The following MICU1 variants were observed in gnomAD, a reference collection of about 807,000 sequenced individuals.
MICU1 encodes calcium uptake protein 1, mitochondrial.
Under a neutral mutation model 56.8 loss-of-function variants are expected in MICU1, and 45 were observed. The observed-to-expected ratio is 0.79, with a 90% CI of 0.62 to 1.02. The LOEUF is 1.02. Ranked by LOEUF, MICU1 falls within the 50% of genes least tolerant of loss-of-function variation. MICU1 has a pLI of 0.00. For synonymous variants in MICU1, 186 were observed against 195.1 expected (o/e 0.95, Z 0.39); for missense variants, 504 against 587.1 (o/e 0.86, Z 1.46).
intron 5 of MICU1, among the ~76,000 whole-genome samples, chr10:72,522,594 T>C (rs1867855660): frequency 6.6e-6 from 1 of 152,134 alleles, no homozygotes; most frequent in South Asian, 2.1e-4. Context: ...ACTCAGAGAC[T>C]GGAAAGAGAC....
chr10:72,431,086 A>ATCTGTCTGTCTG (rs1236344733), intron 8 of MICU1, among the ~76,000 whole-genome samples: 9 of 136,750 alleles, frequency 6.6e-5, no homozygotes, highest in East Asian at 4.1e-4. Flanking sequence ...ATATACCTTT[A>ATCTGTCTGTCTG]TCTGTCTGTC....
intron 6 of MICU1, among the ~76,000 whole-genome samples, chr10:72,500,273 TATATATATATATATATATATATA>T (rs1564904410): frequency 1.9e-4 from 2 of 10,524 alleles, no homozygotes; most frequent in Non-Finnish European, 8.6e-4. Flanking sequence ...TATATATATA[TATATATATATATATATATATATA>T]TATATATTTT....
chr10:72,557,633 C>T (rs1564933477), intron 3 of MICU1, among the ~76,000 whole-genome samples: 1 of 152,160 alleles, frequency 6.6e-6, no homozygotes, highest in South Asian at 2.1e-4. Flanking sequence ...TTTATTCCTG[C>T]CTCTATGAGT....
chr10:72,448,203 T>A (rs1276566575), intron 8 of MICU1, among the ~76,000 whole-genome samples: 7 of 124,926 alleles, frequency 5.6e-5, no homozygotes, highest in Admixed American at 4.3e-4. Flanking sequence ...ATTTTTTTTT[T>A]TTTTTTTTTT....
At chr10:72,489,891 G>A (rs1329911434) in intron 6 of MICU1, among the ~76,000 whole-genome samples, 2 of 152,184 alleles carry the variant, frequency 1.3e-5, no homozygotes, top group African/African-American at 4.8e-5. Context: ...CCACATCTGG[G>A]AGATACGGTG....
intron 5 of MICU1, among the ~76,000 whole-genome samples, chr10:72,511,957 TCTC>T (rs1867465961): frequency 6.6e-6 from 1 of 151,978 alleles, no homozygotes; most frequent in South Asian, 2.1e-4. Context: ...CACACACTAG[TCTC>T]CTCACCCTAA....
chr10:72,502,737 T>C (rs61270166), intron 6 of MICU1: 7,493 of 153,426 alleles, frequency 0.049, 596 homozygotes, highest in African/African-American at 0.17. Flanking sequence ...GGAGAGTCAC[T>C]GAGTGCCTCA....
chr10:72,548,034 C>T (rs1458041582), intron 4 of MICU1, among the ~76,000 whole-genome samples: 1 of 152,146 alleles, frequency 6.6e-6, no homozygotes. Context: ...AGTGTTAATG[C>T]CTTTATATCT....
intron 1 of MICU1, among the ~76,000 whole-genome samples, chr10:72,585,242 A>G (rs1308467141): frequency 6.6e-6 from 1 of 151,856 alleles, no homozygotes; most frequent in African/African-American, 2.4e-5. Context: ...GCCCACCACC[A>G]TGCCCAGCTA....
At position 72,382,202 on chromosome 10, in the gene MICU1, C is replaced by T. The variant is rs147045575; in HGVS notation, c.1181-6330G>A. The stretch of plus-strand genomic sequence containing the variant: ...CTCGGCTCATTGCAACCTCGCCTCC[C>T]GGGTTTAAGTGATTCTCCTGCCTCA... On this transcript the variant is annotated intron_variant, in intron 10 of 11. Transcript: ENST00000361114. 9.6e-3 allele frequency among the ~76,000 whole-genome samples: 1,462 copies of T among 151,766 alleles called. 5 individuals are homozygous for T. Among genetic ancestry groups the T allele is most frequent in the Admixed American group, 0.016 (243 of 15,240 alleles).
At chr10:72,541,418 C>T (rs1012239106) in intron 4 of MICU1, among the ~76,000 whole-genome samples, 1 of 152,208 alleles carries the variant, frequency 6.6e-6, no homozygotes, top group African/African-American at 2.4e-5. Flanking sequence ...AATAGCATCA[C>T]TATTATAGAA....
intron 1 of MICU1, among the ~76,000 whole-genome samples, chr10:72,620,728 C>T (rs141817065): frequency 4.3e-4 from 66 of 152,288 alleles, no homozygotes; most frequent in Middle Eastern, 3.4e-3. Context: ...TTTCTTGCCT[C>T]ATAAACAGAA....
At chr10:72,427,554 A>C (rs1225951335) in intron 8 of MICU1, among the ~76,000 whole-genome samples, 3 of 151,954 alleles carry the variant, frequency 2.0e-5, no homozygotes, top group East Asian at 3.9e-4. Context: ...CTTTCAAGAG[A>C]CTCTGTCCAT....
intron 1 of MICU1, among the ~76,000 whole-genome samples, chr10:72,624,788 G>A (rs951791445): frequency 1.3e-5 from 2 of 152,144 alleles, no homozygotes; most frequent in Non-Finnish European, 2.9e-5. Context: ...GACAATCAGG[G>A]ACAAACCAAG....
Position 72,368,286 on chromosome 10 carries a change from T to G in MICU1, c.1340A>C (p.Lys447Thr). 6.2e-7 allele frequency: 1 copy of G among 1,614,004 alleles called. No homozygotes were observed. The highest frequency in any genetic ancestry group is 8.5e-7 in the Non-Finnish European group (1 of 1,179,876). The change falls in exon 12 of 12, where the codon AAG becomes ACG. Residue 447 changes from lysine (K) to threonine (T), a missense_variant. Transcript: ENST00000361114. ...MKQRLMRGLE[K>T]PKDMGFTRLM... ...GCGAGTGAAACCCATGTCTTTGGGCTTTTCCAGGCCTCTCATCAGCCGTTG... is the reference window on the plus strand; with the variant it reads ...GCGAGTGAAACCCATGTCTTTGGGCGTTTCCAGGCCTCTCATCAGCCGTTG...
At chr10:72,437,402 A>C (rs1864768424) in intron 8 of MICU1, among the ~76,000 whole-genome samples, 2 of 152,230 alleles carry the variant, frequency 1.3e-5, no homozygotes, top group Non-Finnish European at 2.9e-5. Context: ...GAAGCACTCA[A>C]CATAGAAAGG....
intron 10 of MICU1, among the ~76,000 whole-genome samples, chr10:72,380,665 C>T (rs953236590): frequency 1.1e-4 from 17 of 152,136 alleles, no homozygotes; most frequent in African/African-American, 3.6e-4. Context: ...GGAAATGTGA[C>T]GTTAAATAAT....
intron 9 of MICU1, among the ~76,000 whole-genome samples, chr10:72,409,601 G>C (rs1354425603): frequency 2.0e-5 from 3 of 152,188 alleles, no homozygotes; most frequent in African/African-American, 7.2e-5. Context: ...TGAGGTGGGA[G>C]GATCGCTTGA....
At position 72,601,661 on chromosome 10, in the gene MICU1, GTCC is replaced by G. The variant is rs562601911; in HGVS notation, c.-2+24346_-2+24348del. On this transcript the variant is annotated intron_variant, in intron 1 of 11. Coordinates refer to ENST00000361114, the MANE Select transcript of MICU1 (RefSeq NM_001195518.2). ...AATGTAATTTTTCTGTGATACAGGA[GTCC>G]TCATAAGGAAATGAGGAGCTGAAGA... Among the ~76,000 whole-genome samples, 146 of 152,058 alleles carry G rather than the reference GTCC, an allele frequency of 9.6e-4. 1 individual carries two copies. Among genetic ancestry groups the G allele is most frequent in the African/African-American group, 3.1e-3 (128 of 41,512 alleles).
Sources: allele counts gnomAD v4.1 joint callset (sites outside exome capture counted in the v4.1 genomes callset), GRCh38; gene constraint gnomAD v4.1.1; transcripts MANE v1.5; gene names NCBI Gene and HGNC (gene_info 2026-07-23, HGNC 2026-07-21).